The following MAGI2 variants were observed in gnomAD, a reference collection of about 807,000 sequenced individuals.
The protein encoded by MAGI2 is membrane associated guanylate kinase, WW and PDZ domain containing 2, also known as membrane-associated guanylate kinase, WW and PDZ domain-containing protein 2.
In MAGI2, 35 loss-of-function variants were observed where a neutral mutation model predicts 133.3. The observed-to-expected ratio is 0.26, with a 90% confidence interval of 0.20 to 0.35. The LOEUF is 0.35. Among genes scored for constraint, MAGI2 ranks in the 10% least tolerant of loss-of-function variants. The pLI, the probability that MAGI2 is intolerant of heterozygous loss-of-function variation, is 1.00. For missense variants in MAGI2, 1,636 were observed against 1,863.4 expected (o/e 0.88, Z 2.25); for synonymous variants, 729 against 710.6 (o/e 1.03, Z -0.41).
intron 9 of MAGI2, among the ~76,000 whole-genome samples, chr7:78,317,264 G>A (rs73152046): frequency 0.046 from 6,936 of 152,218 alleles, 224 homozygotes; most frequent in South Asian, 0.12. Flanking sequence ...ACCCTCTTCT[G>A]AGGAATTTTC....
chr7:78,770,310 G>C (rs1212117751), intron 2 of MAGI2, among the ~76,000 whole-genome samples: 1 of 151,932 alleles, frequency 6.6e-6, no homozygotes, highest in Non-Finnish European at 1.5e-5. Context: ...TTTAAGCTTC[G>C]GCTCCAATAG....
intron 11 of MAGI2, among the ~76,000 whole-genome samples, chr7:78,198,433 T>G (rs1828927533): frequency 6.7e-6 from 1 of 148,528 alleles, no homozygotes; most frequent in Admixed American, 6.7e-5. Context: ...TGGCCGTTTT[T>G]TTTTTTTTTT....
intron 4 of MAGI2, among the ~76,000 whole-genome samples, chr7:78,508,774 T>A (rs1484594092): frequency 6.6e-6 from 1 of 152,190 alleles, no homozygotes; most frequent in East Asian, 1.9e-4. Flanking sequence ...TGTTTTACCT[T>A]TTTTATAGTG....
chr7:78,514,857 A>G (rs1269039090), intron 4 of MAGI2, among the ~76,000 whole-genome samples: 4 of 152,120 alleles, frequency 2.6e-5, no homozygotes, highest in Non-Finnish European at 5.9e-5. Flanking sequence ...CACATAAGGG[A>G]CACTCTGTTT....
chr7:79,230,377 A>G (rs1831258312), intron 1 of MAGI2, among the ~76,000 whole-genome samples: 1 of 152,012 alleles, frequency 6.6e-6, no homozygotes, highest in African/African-American at 2.4e-5. Flanking sequence ...ACCGACTTCC[A>G]CAATGGTTGA....
At chr7:78,209,385 C>A (rs982286691) in intron 10 of MAGI2, among the ~76,000 whole-genome samples, 1 of 149,862 alleles carries the variant, frequency 6.7e-6, no homozygotes, top group Non-Finnish European at 1.5e-5. Flanking sequence ...TCTCAGCCTC[C>A]CGAGTAGCTG....
At chr7:79,244,865 G>A (rs1369574317) in intron 1 of MAGI2, among the ~76,000 whole-genome samples, 1 of 152,172 alleles carries the variant, frequency 6.6e-6, no homozygotes, top group African/African-American at 2.4e-5. Flanking sequence ...TTTCACTTGA[G>A]GAGTGGGGAG....
rs1017019531 is a variant in MAGI2, at chr7:79,111,752, C to T, written c.302-104546G>A. Among the ~76,000 whole-genome samples the T allele has an allele frequency of 4.6e-5, 7 of 152,034 alleles. No homozygotes were observed. The East Asian group carries it at 1.2e-3, about 25-fold the overall frequency. ...CACGATCTCGGCTCACTGCAAGCTC[C>T]GCCTCCCAGGTTCATGCCATTCTCC... On this transcript the variant is annotated intron_variant, in intron 1 of 21. Coordinates refer to ENST00000354212, the MANE Select transcript of MAGI2 (RefSeq NM_012301.4).
intron 1 of MAGI2, chr7:79,139,729 AAC>A (rs1821938760): frequency 6.6e-6 from 1 of 152,242 alleles, no homozygotes; most frequent in African/African-American, 2.4e-5. Context: ...ATCACTAAGC[AAC>A]AGTCACATTA....
intron 1 of MAGI2, among the ~76,000 whole-genome samples, chr7:79,385,954 G>C (rs1200907554): frequency 6.6e-6 from 1 of 151,762 alleles, no homozygotes; most frequent in Admixed American, 6.6e-5. Context: ...CCTTAAATAT[G>C]CACAATAAAA....
intron 10 of MAGI2, among the ~76,000 whole-genome samples, chr7:78,223,718 A>G (rs1031476917): frequency 6.6e-5 from 10 of 152,196 alleles, no homozygotes; most frequent in Non-Finnish European, 1.2e-4. Flanking sequence ...TTTATGGCCA[A>G]TATTTTATAC....
chr7:78,401,472 T>C (rs1298374477), intron 6 of MAGI2, among the ~76,000 whole-genome samples: 3 of 151,886 alleles, frequency 2.0e-5, no homozygotes, highest in South Asian at 2.1e-4. Context: ...TCTCTCCCCC[T>C]CTCTCTCTCA....
At chr7:78,180,663 A>G (rs527903252) in intron 13 of MAGI2, among the ~76,000 whole-genome samples, 3 of 152,150 alleles carry the variant, frequency 2.0e-5, no homozygotes, top group Non-Finnish European at 4.4e-5. Context: ...GATTTCAAAC[A>G]TAGGGTGGTA....
intron 1 of MAGI2, among the ~76,000 whole-genome samples, chr7:79,442,992 C>T (rs1322089081): frequency 6.6e-6 from 1 of 151,530 alleles, no homozygotes; most frequent in Non-Finnish European, 1.5e-5. Context: ...GATCAGAAGG[C>T]TGGGCATGGT....
chr7:78,400,722 G>C (rs1796782296), intron 6 of MAGI2, among the ~76,000 whole-genome samples: 1 of 152,164 alleles, frequency 6.6e-6, no homozygotes, highest in African/African-American at 2.4e-5. Context: ...TTTTAGGTTG[G>C]AAGTGACATG....
intron 21 of MAGI2, among the ~76,000 whole-genome samples, chr7:78,067,656 C>T (rs898401518): frequency 1.3e-5 from 2 of 152,162 alleles, no homozygotes; most frequent in African/African-American, 4.8e-5. Flanking sequence ...CCAAACAGCA[C>T]ATTGATGAAT....
At chr7:78,739,097 T>C (rs1822147312) in intron 2 of MAGI2, among the ~76,000 whole-genome samples, 1 of 152,210 alleles carries the variant, frequency 6.6e-6, no homozygotes, top group South Asian at 2.1e-4. Flanking sequence ...TTGATTGTTT[T>C]CAAGTATTAA....
intron 1 of MAGI2, among the ~76,000 whole-genome samples, chr7:79,399,592 C>T (rs1241939271): frequency 6.6e-6 from 1 of 152,092 alleles, no homozygotes; most frequent in Non-Finnish European, 1.5e-5. Flanking sequence ...AAGTGCAGTG[C>T]TTCTAGAAGA....
At chr7:78,765,427 C>T (rs984948213) in intron 2 of MAGI2, among the ~76,000 whole-genome samples, 6 of 143,410 alleles carry the variant, frequency 4.2e-5, no homozygotes, top group Admixed American at 3.7e-4. Flanking sequence ...TGGCTCACTG[C>T]AACCTCTGCC....
Sources: allele counts gnomAD v4.1 joint callset (sites outside exome capture counted in the v4.1 genomes callset), GRCh38; gene constraint gnomAD v4.1.1; transcripts MANE v1.5; gene names NCBI Gene and HGNC (gene_info 2026-07-23, HGNC 2026-07-21).